NCOA2: variants seen among roughly 807,000 people sequenced by gnomAD.
NCOA2 encodes class E basic helix-loop-helix protein 75.
A neutral mutation model predicts 145.1 loss-of-function variants in NCOA2; 21 were observed. That is an observed-to-expected ratio of 0.14 (90% CI 0.10 to 0.21). The LOEUF (loss-of-function observed/expected upper bound fraction) is 0.21, where lower values mean the gene tolerates loss of function less well. Ranked by LOEUF, NCOA2 falls within the 10% of genes least tolerant of loss-of-function variation. The pLI, the probability that NCOA2 is intolerant of heterozygous loss-of-function variation, is 1.00. For missense variants in NCOA2, 1,472 were observed against 1,837.6 expected, an observed-to-expected ratio of 0.80 and a Z score of 3.64; for synonymous variants, 619 against 637.5, an observed-to-expected ratio of 0.97 and a Z score of 0.44.
intron 2 of NCOA2, among the ~76,000 whole-genome samples, chr8:70,284,868 C>G (rs539464693): frequency 7.4e-6 from 1 of 135,696 alleles, no homozygotes; most frequent in African/African-American, 2.5e-5. Flanking sequence ...AGAGGGGAGA[C>G]GGGGAGAGAA....
chr8:70,195,299 G>A (rs1302368212), intron 4 of NCOA2, among the ~76,000 whole-genome samples: 3 of 152,162 alleles, frequency 2.0e-5, no homozygotes, highest in African/African-American at 7.2e-5. Flanking sequence ...AAAAAATTGA[G>A]TATAAAAGTG....
chr8:70,451,237 A>AATATATAT, the NCOA2 span, among the ~76,000 whole-genome samples: 103 of 69,484 alleles, frequency 1.5e-3, 1 homozygote, highest in Middle Eastern at 6.4e-3. Flanking sequence ...AAAAAAAAAA[A>AATATATAT]ATATATATAT....
At chr8:70,248,324 T>C (rs1380432999) in intron 2 of NCOA2, among the ~76,000 whole-genome samples, 3 of 152,212 alleles carry the variant, frequency 2.0e-5, no homozygotes, top group African/African-American at 7.2e-5. Context: ...TATCAAAATG[T>C]AGAACACTTC....
intron 4 of NCOA2, among the ~76,000 whole-genome samples, chr8:70,184,033 C>A (rs1487652632): frequency 6.6e-6 from 1 of 152,132 alleles, no homozygotes; most frequent in Non-Finnish European, 1.5e-5. Flanking sequence ...TACCATATAC[C>A]TAACATAGTG....
intron 2 of NCOA2, among the ~76,000 whole-genome samples, chr8:70,269,464 A>T (rs1278022631): frequency 6.6e-6 from 1 of 152,092 alleles, no homozygotes; most frequent in East Asian, 1.9e-4. Context: ...TCTAAAAAAA[A>T]TTTAATTTAA....
rs1254896604 is a variant in NCOA2 at position 70,157,248 on chromosome 8, A to G, written c.1125-8T>C. 1 of 1,504,558 alleles carries G rather than the reference A, an allele frequency of 6.6e-7. No individual in the cohort carries two copies. The highest frequency in any genetic ancestry group is 8.9e-7 in the Non-Finnish European group (1 of 1,126,516). 93.2% of individuals were successfully genotyped at this position (1,504,558 alleles called of 1,614,324 possible). A position where few individuals can be genotyped will look rare whatever the true frequency, so the allele number is the denominator to read the frequency against. On this transcript the variant is annotated splice_region_variant and splice_polypyrimidine_tract_variant and intron_variant, in intron 10 of 22. Coordinates refer to ENST00000452400, the MANE Select transcript of NCOA2 (RefSeq NM_006540.4). ...ACACACACATTCTGCTCTCTGTATA[A>G]CGAGAAAAGAAAAAAATGTAAGATA... is the stretch of plus-strand genomic sequence containing the variant.
intron 1 of NCOA2, among the ~76,000 whole-genome samples, chr8:70,311,421 ATTTC>A (rs1169534534): frequency 2.7e-4 from 41 of 152,284 alleles, no homozygotes; most frequent in African/African-American, 9.4e-4. Context: ...ATTTGTCAGA[ATTTC>A]TTTTTTAAAA....
At chr8:70,436,520 C>G in the NCOA2 span, among the ~76,000 whole-genome samples, 1 of 152,102 alleles carries the variant, frequency 6.6e-6, no homozygotes. Flanking sequence ...AAGCCATGTA[C>G]CCAGGTATGT....
chr8:70,214,632 C>A (rs1819405010), intron 3 of NCOA2, among the ~76,000 whole-genome samples: 1 of 151,514 alleles, frequency 6.6e-6, no homozygotes, highest in Non-Finnish European at 1.5e-5. Flanking sequence ...CAGCTAGAAA[C>A]AAAAGCGAAA....
chr8:70,288,324 A>G (rs2135586231), intron 2 of NCOA2, among the ~76,000 whole-genome samples: 1 of 152,252 alleles, frequency 6.6e-6, no homozygotes, highest in Non-Finnish European at 1.5e-5. Context: ...CATGCCTGTA[A>G]TCTCAGCACT....
In NCOA2 at chr8:70,111,028, T is replaced by C. The variant is rs1806491881; in HGVS notation, c.*2604A>G. The C allele has an allele frequency of 9.0e-6, 2 of 222,858 alleles. No individual in the cohort carries two copies. The highest frequency in any genetic ancestry group is 2.2e-5 in the African/African-American group (1 of 44,818). The allele number at this position is 222,858 out of a possible 1,614,324, so 13.8% of individuals were successfully genotyped here. On this transcript the variant is annotated 3_prime_UTR_variant, in exon 23 of 23. Coordinates refer to ENST00000452400, the MANE Select transcript of NCOA2 (RefSeq NM_006540.4). ...GGAACTGATTTGGCTTTTGCTTCTA[T>C]AGTGATCAATATGATCAGAGGATTC...
At chr8:70,447,812 G>A in the NCOA2 span, among the ~76,000 whole-genome samples, 1 of 150,854 alleles carries the variant, frequency 6.6e-6, no homozygotes, top group East Asian at 2.0e-4. Context: ...AGTCTCCTGA[G>A]TCGTTAGGAC....
intron 2 of NCOA2, among the ~76,000 whole-genome samples, chr8:70,262,538 G>T (rs1303119489): frequency 3.9e-5 from 6 of 152,174 alleles, no homozygotes; most frequent in Non-Finnish European, 8.8e-5. Context: ...ACTGCTGCGG[G>T]AAAGATTCAA....
the NCOA2 span, among the ~76,000 whole-genome samples, chr8:70,454,340 A>T: frequency 3.3e-5 from 5 of 152,222 alleles, no homozygotes; most frequent in Non-Finnish European, 7.3e-5. Flanking sequence ...TTGAGAAAAG[A>T]GTGAATGACA....
At chr8:70,417,315 G>A in the NCOA2 span, among the ~76,000 whole-genome samples, 5 of 149,620 alleles carry the variant, frequency 3.3e-5, no homozygotes, top group African/African-American at 1.2e-4. Flanking sequence ...TTGGGAAGCC[G>A]AGGTGGGTGG....
At chr8:70,320,226 G>T (rs1273882851) in intron 1 of NCOA2, among the ~76,000 whole-genome samples, 1 of 151,898 alleles carries the variant, frequency 6.6e-6, no homozygotes, top group Non-Finnish European at 1.5e-5. Flanking sequence ...TTATATGGAA[G>T]CTATATATCT....
intron 22 of NCOA2, among the ~76,000 whole-genome samples, chr8:70,115,852 T>C (rs533325627): frequency 6.6e-4 from 100 of 152,272 alleles, no homozygotes; most frequent in Non-Finnish European, 1.2e-3. Flanking sequence ...CAAGGTACCA[T>C]TATAATTTCC....
intron 2 of NCOA2, among the ~76,000 whole-genome samples, chr8:70,290,457 G>A (rs1826582961): frequency 6.6e-6 from 1 of 152,012 alleles, no homozygotes; most frequent in South Asian, 2.1e-4. Flanking sequence ...CAAAGTGCTG[G>A]GATTACAGGT....
chr8:70,455,011 C>T, the NCOA2 span, among the ~76,000 whole-genome samples: 15 of 152,306 alleles, frequency 9.8e-5, no homozygotes, highest in South Asian at 2.1e-4. Flanking sequence ...AATGGGCTTT[C>T]GTACTAGTAA....
Sources: gnomAD v4.1 joint callset for allele counts (sites outside exome capture counted in the v4.1 genomes callset) on GRCh38, gnomAD v4.1.1 for gene constraint, MANE v1.5 for transcripts, NCBI Gene and HGNC (gene_info 2026-07-23, HGNC 2026-07-21) for gene names.